CNTN1: variants seen among roughly 807,000 people sequenced by gnomAD.
CNTN1 encodes the protein contactin-1.
Under a neutral mutation model 126.4 loss-of-function variants are expected in CNTN1, and 38 were observed. The observed-to-expected ratio is 0.30, with a 90% CI of 0.23 to 0.39. CNTN1 has a LOEUF of 0.39. Among genes scored for constraint, CNTN1 ranks in the 10% least tolerant of loss-of-function variants. The pLI is 1.00. For synonymous variants in CNTN1, 413 were observed against 422.6 expected, an observed-to-expected ratio of 0.98 and a Z score of 0.28; for missense variants, 1,009 against 1,248.4, an observed-to-expected ratio of 0.81 and a Z score of 2.89.
At chr12:40,774,405 G>T (rs1386093504) in intron 1 of CNTN1, among the ~76,000 whole-genome samples, 3 of 151,608 alleles carry the variant, frequency 2.0e-5, no homozygotes, top group African/African-American at 7.3e-5. Flanking sequence ...GAATGTTTAA[G>T]GGAAGACATC....
chr12:40,895,185 T>C (rs1057078409), intron 1 of CNTN1, among the ~76,000 whole-genome samples: 7 of 152,156 alleles, frequency 4.6e-5, no homozygotes, highest in African/African-American at 1.7e-4. Context: ...CAAAGGTGCT[T>C]TCATATATTA....
chr12:41,015,297 C>CTCTTT (rs1287159416), intron 18 of CNTN1, among the ~76,000 whole-genome samples: 1 of 152,120 alleles, frequency 6.6e-6, no homozygotes, highest in Non-Finnish European at 1.5e-5. Flanking sequence ...GAACATTTCG[C>CTCTTT]TCTTTCTCTT....
intron 1 of CNTN1, among the ~76,000 whole-genome samples, chr12:40,849,775 T>C (rs2136612485): frequency 6.6e-6 from 1 of 152,160 alleles, no homozygotes; most frequent in East Asian, 1.9e-4. Context: ...TTTCTCAGCA[T>C]GCCATATGCA....
intron 11 of CNTN1, among the ~76,000 whole-genome samples, chr12:40,938,571 T>C (rs1946159215): frequency 6.6e-6 from 1 of 152,176 alleles, no homozygotes; most frequent in Non-Finnish European, 1.5e-5. Context: ...ATAATCCTAA[T>C]AGATTTCAAT....
chr12:40,751,174 T>C (rs1004483954), intron 1 of CNTN1, among the ~76,000 whole-genome samples: 10 of 152,242 alleles, frequency 6.6e-5, no homozygotes, highest in Non-Finnish European at 1.3e-4. Context: ...AAGTTATTGA[T>C]TATCTAACTG....
intron 1 of CNTN1, among the ~76,000 whole-genome samples, chr12:40,863,941 T>TCCCC (rs1943204719): frequency 3.0e-5 from 3 of 99,398 alleles, no homozygotes; most frequent in African/African-American, 1.1e-4. Flanking sequence ...CCTCCCTCCC[T>TCCCC]CCCTCCCTCC....
intron 1 of CNTN1, among the ~76,000 whole-genome samples, chr12:40,886,895 T>G (rs1944053629): frequency 6.6e-6 from 1 of 152,206 alleles, no homozygotes; most frequent in Non-Finnish European, 1.5e-5. Flanking sequence ...TGGCATTAAT[T>G]CTGAGGGCTC....
At chr12:40,901,691 T>G (rs1944613188) in intron 1 of CNTN1, among the ~76,000 whole-genome samples, 1 of 152,230 alleles carries the variant, frequency 6.6e-6, no homozygotes, top group African/African-American at 2.4e-5. Context: ...AATGCAGCTC[T>G]ATCTGCTCAT....
At chr12:40,711,502 T>C (rs2121165702) in intron 1 of CNTN1, among the ~76,000 whole-genome samples, 1 of 152,228 alleles carries the variant, frequency 6.6e-6, no homozygotes, top group Middle Eastern at 3.4e-3. Flanking sequence ...ACCCTCTCTA[T>C]TGACTTCCTG....
intron 17 of CNTN1, among the ~76,000 whole-genome samples, chr12:40,999,811 TC>T (rs1948312731): frequency 6.7e-6 from 1 of 148,506 alleles, no homozygotes; most frequent in Non-Finnish European, 1.5e-5. Context: ...CACGCCATTC[TC>T]CTGCCTCAGC....
intron 23 of CNTN1, among the ~76,000 whole-genome samples, chr12:41,060,724 T>G (rs1439471422): frequency 6.6e-6 from 1 of 152,182 alleles, no homozygotes; most frequent in Non-Finnish European, 1.5e-5. Flanking sequence ...TGAATGTTAT[T>G]TATAAAATAT....
chr12:40,954,493 T>C (rs930025517), intron 14 of CNTN1, among the ~76,000 whole-genome samples: 1 of 152,070 alleles, frequency 6.6e-6, no homozygotes, highest in Admixed American at 6.6e-5. Context: ...CAAAAAAAAT[T>C]TTAATATAAG....
intron 16 of CNTN1, among the ~76,000 whole-genome samples, chr12:40,991,398 T>G (rs1161869033): frequency 6.6e-6 from 1 of 152,174 alleles, no homozygotes; most frequent in East Asian, 1.9e-4. Flanking sequence ...AAGCCTTTTT[T>G]TTTTTCCATA....
At chr12:40,965,405 A>C (rs1264425379) in intron 15 of CNTN1, among the ~76,000 whole-genome samples, 4 of 152,152 alleles carry the variant, frequency 2.6e-5, no homozygotes, top group Admixed American at 2.6e-4. Flanking sequence ...TCTAAAACTC[A>C]CTATACCAGA....
intron 1 of CNTN1, among the ~76,000 whole-genome samples, chr12:40,795,578 T>TAC (rs549330420): frequency 0.018 from 2,557 of 145,142 alleles, 59 homozygotes; most frequent in African/African-American, 0.057. Context: ...TTCTGAAAAA[T>TAC]ACACACACAC....
chr12:41,020,468 A>T (rs1204385424), intron 20 of CNTN1, 28 bp downstream of exon 20: 1 of 1,360,682 alleles, frequency 7.3e-7, no homozygotes, highest in African/African-American at 1.4e-5. Flanking sequence ...CAAACTAAAT[A>T]CATTTATTCA....
Position 40,751,154 on chromosome 12 carries a change from TAA to T in CNTN1, c.-77+58564_-77+58565del, listed in dbSNP as rs371018397. On this transcript the variant is annotated intron_variant, in intron 1 of 23. Coordinates refer to ENST00000551295, the MANE Select transcript of CNTN1 (RefSeq NM_001843.4). ...ACCAAAAAGAGACCACTGCATTTTT[TAA>T]AGTTAGGAAGTTATTGATTATCTAA... 4.0e-3 allele frequency among the ~76,000 whole-genome samples: 602 copies of T among 152,212 alleles called. 4 individuals are homozygous for T. The highest frequency in any genetic ancestry group is 0.011 in the African/African-American group (440 of 41,550).
chr12:40,961,786 C>G (rs1277733994), intron 15 of CNTN1, among the ~76,000 whole-genome samples: 1 of 152,000 alleles, frequency 6.6e-6, no homozygotes, highest in Non-Finnish European at 1.5e-5. Context: ...GAATAAAATA[C>G]TAATACATTT....
At chr12:40,852,820 T>C (rs1468070695) in intron 1 of CNTN1, among the ~76,000 whole-genome samples, 1 of 152,112 alleles carries the variant, frequency 6.6e-6, no homozygotes, top group African/African-American at 2.4e-5. Flanking sequence ...CTTCCTTTAT[T>C]AATTTTCATG....
Sources: allele counts gnomAD v4.1 joint callset (sites outside exome capture counted in the v4.1 genomes callset), GRCh38; gene constraint gnomAD v4.1.1; transcripts MANE v1.5; gene names NCBI Gene and HGNC (gene_info 2026-07-23, HGNC 2026-07-21).